Variants in ASB3 observed in about 807,000 individuals in gnomAD.
ASB3 encodes ankyrin repeat and SOCS box protein 3.
ASB3 carries 41 observed loss-of-function variants against 54.5 expected under a neutral mutation model. The observed-to-expected ratio is 0.75, with a 90% confidence interval of 0.59 to 0.98. ASB3 has a LOEUF of 0.98. Among genes scored for constraint, ASB3 ranks in the 50% least tolerant of loss-of-function variants. The pLI is 0.00. For missense variants in ASB3, 733 were observed against 620.0 expected (o/e 1.18, Z -1.94); for synonymous variants, 266 against 221.2 (o/e 1.20, Z -1.80).
chr2:53,765,624 A>G, intron 1 of ASB3, 39 bp from the exon 2 acceptor site: 1 of 1,611,594 alleles, frequency 6.2e-7, no homozygotes, highest in East Asian at 2.2e-5. Flanking sequence ...ATAGTCAATA[A>G]AACAACACTT....
At chr2:53,766,763 C>T (rs551611847) in intron 1 of ASB3, among the ~76,000 whole-genome samples, 1 of 152,076 alleles carries the variant, frequency 6.6e-6, no homozygotes, top group East Asian at 1.9e-4. Context: ...GAAACCACAA[C>T]TTAGAGAAAA....
chr2:53,748,550 T>C (rs766360449), intron 3 of ASB3, among the ~76,000 whole-genome samples: 4 of 152,236 alleles, frequency 2.6e-5, no homozygotes, highest in Non-Finnish European at 5.9e-5. Context: ...TTACTAGTAA[T>C]GTGTCATATT....
intron 1 of ASB3, among the ~76,000 whole-genome samples, chr2:53,777,636 C>A (rs966049866): frequency 6.6e-6 from 1 of 152,102 alleles, no homozygotes; most frequent in Admixed American, 6.5e-5. Flanking sequence ...ACCAGAAAAT[C>A]TGGTCCCACA....
chr2:53,785,617 C>T (rs186786634), intron 1 of ASB3, among the ~76,000 whole-genome samples: 6 of 152,152 alleles, frequency 3.9e-5, no homozygotes, highest in East Asian at 1.9e-4. Flanking sequence ...CCGAGGAGGG[C>T]GGATCACCCG....
At chr2:53,757,921 G>A (rs1371291306) in intron 2 of ASB3, among the ~76,000 whole-genome samples, 1 of 152,174 alleles carries the variant, frequency 6.6e-6, no homozygotes, top group African/African-American at 2.4e-5. Context: ...TGAAACTCAT[G>A]ACCCAGTACT....
At chr2:53,757,139 T>C (rs754548757) in intron 2 of ASB3, among the ~76,000 whole-genome samples, 3 of 152,194 alleles carry the variant, frequency 2.0e-5, no homozygotes, top group Non-Finnish European at 4.4e-5. Flanking sequence ...GTGAGTAATA[T>C]TGGACCACTT....
intron 5 of ASB3, among the ~76,000 whole-genome samples, chr2:53,721,425 G>C (rs1299391824): frequency 7.1e-6 from 1 of 141,204 alleles, no homozygotes; most frequent in Non-Finnish European, 1.5e-5. Context: ...AAAAAAATTA[G>C]CCAGACATAG....
At chr2:53,710,689 C>T (rs989913332) in intron 7 of ASB3, among the ~76,000 whole-genome samples, 4 of 152,176 alleles carry the variant, frequency 2.6e-5, no homozygotes, top group Non-Finnish European at 5.9e-5. Flanking sequence ...GTTCAAACTG[C>T]AATTTCTGTT....
chr2:53,771,088 A>T (rs1469873356), intron 1 of ASB3, among the ~76,000 whole-genome samples: 1 of 152,232 alleles, frequency 6.6e-6, no homozygotes, highest in Non-Finnish European at 1.5e-5. Flanking sequence ...CCAGACCTAC[A>T]GAATCAAAAA....
intron 3 of ASB3, among the ~76,000 whole-genome samples, chr2:53,740,252 T>C (rs190925310): frequency 2.5e-4 from 38 of 152,366 alleles, no homozygotes; most frequent in African/African-American, 8.9e-4. Flanking sequence ...ATTTTTTCAT[T>C]GTATAGCTAG....
At chr2:53,673,059 A>C (rs986907649) in intron 9 of ASB3, among the ~76,000 whole-genome samples, 5 of 152,204 alleles carry the variant, frequency 3.3e-5, no homozygotes, top group African/African-American at 1.2e-4. Context: ...TGGTAGGAAC[A>C]CTGGCATTCT....
At chr2:53,772,497 T>C (rs1165967139) in intron 1 of ASB3, among the ~76,000 whole-genome samples, 1 of 151,902 alleles carries the variant, frequency 6.6e-6, no homozygotes, top group Admixed American at 6.6e-5. Flanking sequence ...AAAAACAAGT[T>C]TATTAACTAA....
intron 1 of ASB3, among the ~76,000 whole-genome samples, chr2:53,785,572 G>A (rs1674915776): frequency 6.6e-6 from 1 of 152,246 alleles, no homozygotes; most frequent in Admixed American, 6.5e-5. Flanking sequence ...GCCAGGCACA[G>A]TGGCTCAGGC....
intron 3 of ASB3, among the ~76,000 whole-genome samples, chr2:53,746,110 G>C (rs1672207282): frequency 3.3e-5 from 5 of 151,976 alleles, no homozygotes; most frequent in Admixed American, 3.3e-4. Context: ...AACATAGCAA[G>C]ACCCCAACTC....
At position 53,670,252 on chromosome 2, in the gene ASB3, G is replaced by C. The variant is rs1667744885; in HGVS notation, c.*251C>G. 1 of 348,912 alleles carries C rather than the reference G, an allele frequency of 2.9e-6. No individual in the cohort carries two copies. Among genetic ancestry groups the C allele is most frequent in the South Asian group, 5.1e-5 (1 of 19,636 alleles). 21.6% of individuals were successfully genotyped at this position (348,912 alleles called of 1,614,324 possible). On this transcript the variant is annotated 3_prime_UTR_variant, in exon 10 of 10. Transcript: ENST00000263634. The stretch of plus-strand genomic sequence containing the variant: ...AAATATTACAACATATAATGTACTG[G>C]TGATGAAGCTGCAATAAAGTAATAT...
rs115712828 is a variant in ASB3 at position 53,676,161 on chromosome 2, A to C, written c.1370-5471T>G. 8.4e-3 allele frequency among the ~76,000 whole-genome samples: 1,275 copies of C among 152,360 alleles called. 14 individuals are homozygous for C. The highest frequency in any genetic ancestry group is 0.029 in the African/African-American group (1,214 of 41,592). ...GAGCAAAACTATGGATGTATAAACAATAACTATGGTCACTCCCACCTCATT... is the reference window on the plus strand; with the variant it reads ...GAGCAAAACTATGGATGTATAAACACTAACTATGGTCACTCCCACCTCATT... On this transcript the variant is annotated intron_variant, in intron 9 of 9. Transcript: ENST00000263634.
At chr2:53,689,772 C>A (rs893949292) in intron 9 of ASB3, among the ~76,000 whole-genome samples, 1 of 152,198 alleles carries the variant, frequency 6.6e-6, no homozygotes, top group African/African-American at 2.4e-5. Context: ...GGAGTACTTA[C>A]CCTACCACAG....
chr2:53,738,248 C>T (rs1300852916), intron 3 of ASB3, among the ~76,000 whole-genome samples: 1 of 152,142 alleles, frequency 6.6e-6, no homozygotes, highest in Non-Finnish European at 1.5e-5. Context: ...TTCTTTGCTC[C>T]TTCGCCTTTT....
At chr2:53,718,293 C>A (rs1054783265) in intron 5 of ASB3, among the ~76,000 whole-genome samples, 14 of 143,014 alleles carry the variant, frequency 9.8e-5, no homozygotes, top group Non-Finnish European at 1.5e-4. Context: ...AACGTCAGAT[C>A]ACATACAAAA....
Sources: gnomAD v4.1 joint callset for allele counts (sites outside exome capture counted in the v4.1 genomes callset) on GRCh38, gnomAD v4.1.1 for gene constraint, MANE v1.5 for transcripts, NCBI Gene and HGNC (gene_info 2026-07-23, HGNC 2026-07-21) for gene names.